The following CAPN8 variants were observed in gnomAD, a reference collection of about 807,000 sequenced individuals.
The protein encoded by CAPN8 is calpain 8, also known as calpain-8.
CAPN8 carries 87 observed loss-of-function variants against 80.9 expected under a neutral mutation model. That is an observed-to-expected ratio of 1.07 (90% CI 0.90 to 1.28). The LOEUF (loss-of-function observed/expected upper bound fraction) is 1.28, where lower values mean the gene tolerates loss of function less well. Among genes scored for constraint, CAPN8 ranks in the 50% most tolerant of loss-of-function variants. CAPN8 has a pLI of 0.00. For synonymous variants in CAPN8, 299 were observed against 273.8 expected (o/e 1.09, Z -0.91); for missense variants, 757 against 702.0 (o/e 1.08, Z -0.89).
chr1:223,661,454 A>T (rs1270827808), intron 1 of CAPN8, among the ~76,000 whole-genome samples: 1 of 152,154 alleles, frequency 6.6e-6, no homozygotes. Flanking sequence ...ACATGGCAAA[A>T]CCCTGTCTCT....
intron 16 of CAPN8, 132 bp from the exon 17 acceptor site, chr1:223,545,431 G>C (rs72747903): frequency 0.043 from 59,286 of 1,378,108 alleles, 1,404 homozygotes; most frequent in Non-Finnish European, 0.048. Context: ...CAGAGCAGTG[G>C]GGGTGACGGT....
intron 14 of CAPN8, among the ~76,000 whole-genome samples, chr1:223,551,583 C>T (rs1263097150): frequency 1.3e-5 from 2 of 152,236 alleles, no homozygotes; most frequent in Admixed American, 6.5e-5. Flanking sequence ...TGCCAGGGTC[C>T]TGCTGCCTTT....
Position 223,627,169 on chromosome 1 carries a change from G to C in CAPN8, c.561-12C>G. On this transcript the variant is annotated splice_polypyrimidine_tract_variant and intron_variant, in intron 4 of 20. Transcript: ENST00000366872. ...AACAACCATTAAGCCTATTGGAAAA[G>C]AAAGAACACATGCTCCATTAGCACC... 4.5e-6 allele frequency: 7 copies of C among 1,552,082 alleles called. No individual in the cohort carries two copies. The highest frequency in any genetic ancestry group is 5.2e-6 in the Non-Finnish European group (6 of 1,146,944).
intron 13 of CAPN8, among the ~76,000 whole-genome samples, chr1:223,556,611 C>G (rs1656911068): frequency 6.6e-6 from 1 of 152,168 alleles, no homozygotes; most frequent in Admixed American, 6.5e-5. Context: ...AAGAGACTTC[C>G]TGTTGCTTGG....
In CAPN8 at chr1:223,553,716, AC is replaced by A. The variant is rs1482744260; in HGVS notation, c.1641+115del. 7.5e-6 allele frequency: 3 copies of A among 397,870 alleles called. No individual in the cohort carries two copies. In the Admixed American group the frequency reaches 1.3e-4, roughly 18 times the overall value. The allele number at this position is 397,870 out of a possible 1,614,324, so 24.6% of individuals were successfully genotyped here. On this transcript the variant is annotated intron_variant, in intron 14 of 20. Coordinates refer to ENST00000366872, the MANE Select transcript of CAPN8 (RefSeq NM_001143962.2). ...GGCACAGAAGCTGGGGGCCCCTGAG[AC>A]CTGAGTCTCACCCTTTTTATGCCTA...
At chr1:223,634,780 T>G (rs1173588413) in intron 2 of CAPN8, among the ~76,000 whole-genome samples, 1 of 152,154 alleles carries the variant, frequency 6.6e-6, no homozygotes, top group African/African-American at 2.4e-5. Flanking sequence ...CATGACCTAA[T>G]CACCTCCCAA....
At chr1:223,629,230 G>A (rs76320851) in intron 2 of CAPN8, among the ~76,000 whole-genome samples, 13 of 116,084 alleles carry the variant, frequency 1.1e-4, no homozygotes, top group South Asian at 9.1e-4. Flanking sequence ...GTGTGTGTGT[G>A]TTTATGTTCC....
intron 12 of CAPN8, 122 bp downstream of exon 12, chr1:223,609,023 TGTAGTTTC>T: frequency 4.5e-6 from 1 of 224,284 alleles, no homozygotes; most frequent in Non-Finnish European, 7.7e-6. Context: ...CCTTTGGCCT[TGTAGTTTC>T]TTAGAGGCTT....
intron 9 of CAPN8, among the ~76,000 whole-genome samples, chr1:223,618,521 T>C (rs1026755535): frequency 6.6e-6 from 1 of 152,174 alleles, no homozygotes; most frequent in Admixed American, 6.5e-5. Flanking sequence ...GGATGCAGCC[T>C]ATTGAAACAG....
intron 14 of CAPN8, among the ~76,000 whole-genome samples, chr1:223,553,339 C>T (rs1052239447): frequency 1.3e-5 from 2 of 152,160 alleles, no homozygotes; most frequent in Non-Finnish European, 2.9e-5. Flanking sequence ...AGCTTGGATT[C>T]CTCAGGCTGC....
intron 2 of CAPN8, among the ~76,000 whole-genome samples, chr1:223,653,047 T>C (rs1220423715): frequency 6.6e-6 from 1 of 151,844 alleles, no homozygotes; most frequent in African/African-American, 2.4e-5. Context: ...AACAAGGAGC[T>C]GTCTGAGGCG....
At chr1:223,661,966 A>G (rs2102741774) in intron 1 of CAPN8, among the ~76,000 whole-genome samples, 1 of 152,376 alleles carries the variant, frequency 6.6e-6, no homozygotes, top group South Asian at 2.1e-4. Context: ...TATAGACACC[A>G]CAGAATACTA....
rs1220541309 is a variant in CAPN8 at position 223,553,838 on chromosome 1, T to G, written c.1635A>C (p.Ala545=). The change falls in exon 14 of 21, where the codon GCA becomes GCC. Residue 545 remains alanine (A), a synonymous_variant. Coordinates refer to ENST00000366872, the MANE Select transcript of CAPN8 (RefSeq NM_001143962.2). ...ATGTTCGCCCTCCACTCACCTTCCC[T>G]GCCAACTTCTCAAACAGCCTCCTGA... ...DQFRRLFEKL[A]GKDSEITANA... The G allele has an allele frequency of 5.0e-6, 2 of 398,718 alleles. No individual in the cohort carries two copies. The highest frequency in any genetic ancestry group is 3.6e-5 in the East Asian group (1 of 28,070). The allele number at this position is 398,718 out of a possible 1,614,324, so 24.7% of individuals were successfully genotyped here. A position where few individuals can be genotyped will look rare whatever the true frequency, so the allele number is the denominator to read the frequency against.
chr1:223,622,741 CATT>C (rs775013565), intron 7 of CAPN8, 71 bp downstream of exon 7: 18 of 1,138,188 alleles, frequency 1.6e-5, no homozygotes, highest in Middle Eastern at 3.9e-4. Flanking sequence ...ACATCGATCT[CATT>C]GTTGTGTGTT....
chr1:223,609,509 C>A, intron 11 of CAPN8, 145 bp from the exon 12 acceptor site: 1 of 397,168 alleles, frequency 2.5e-6, no homozygotes, highest in Non-Finnish European at 4.4e-6. Flanking sequence ...CTGTTGTGAA[C>A]TCACTGTATG....
At chr1:223,614,375 G>T (rs1657111821) in intron 10 of CAPN8, among the ~76,000 whole-genome samples, 1 of 151,536 alleles carries the variant, frequency 6.6e-6, no homozygotes, top group Non-Finnish European at 1.5e-5. Flanking sequence ...ACTCCAGCCT[G>T]GGCGACATAG....
At chr1:223,624,552 A>T (rs549495541) in intron 6 of CAPN8, among the ~76,000 whole-genome samples, 32 of 152,014 alleles carry the variant, frequency 2.1e-4, no homozygotes, top group Admixed American at 7.9e-4. Context: ...AAAAATTTTT[A>T]AAAAATTAAT....
At chr1:223,648,212 G>A (rs550873881) in intron 2 of CAPN8, among the ~76,000 whole-genome samples, 11 of 152,330 alleles carry the variant, frequency 7.2e-5, no homozygotes, top group African/African-American at 2.6e-4. Flanking sequence ...GGGAAACGAT[G>A]CGCCGATGCG....
At chr1:223,635,523 G>C (rs967588611) in intron 2 of CAPN8, among the ~76,000 whole-genome samples, 1 of 152,238 alleles carries the variant, frequency 6.6e-6, no homozygotes, top group African/African-American at 2.4e-5. Context: ...GGGCCTGGTG[G>C]TTCTCACAGA....
Sources: allele counts gnomAD v4.1 joint callset (sites outside exome capture counted in the v4.1 genomes callset), GRCh38; gene constraint gnomAD v4.1.1; transcripts MANE v1.5; gene names NCBI Gene and HGNC (gene_info 2026-07-23, HGNC 2026-07-21).